The following POLN variants were observed in gnomAD, a reference collection of about 807,000 sequenced individuals.
POLN encodes DNA polymerase nu, also known as DNA polymerase N.
POLN carries 108 observed loss-of-function variants against 113.5 expected under a neutral mutation model. The ratio of observed to expected loss-of-function variants is 0.95; its 90% CI spans 0.81 to 1.12. The LOEUF (loss-of-function observed/expected upper bound fraction) is 1.12, where lower values mean the gene tolerates loss of function less well. Among genes scored for constraint, POLN ranks in the 50% most tolerant of loss-of-function variants. The pLI is 0.00. For missense variants in POLN, 1,097 were observed against 1,077.1 expected, an observed-to-expected ratio of 1.02 and a Z score of -0.26; for synonymous variants, 386 against 391.5, an observed-to-expected ratio of 0.99 and a Z score of 0.17.
At chr4:2,148,858 G>GA (rs1250954298) in intron 16 of POLN, among the ~76,000 whole-genome samples, 1 of 152,184 alleles carries the variant, frequency 6.6e-6, no homozygotes, top group Non-Finnish European at 1.5e-5. Context: ...ATTATGTGAA[G>GA]ATAGTGATGA....
At chr4:2,075,751 A>G (rs917548197) in intron 23 of POLN, among the ~76,000 whole-genome samples, 1 of 152,184 alleles carries the variant, frequency 6.6e-6, no homozygotes, top group Non-Finnish European at 1.5e-5. Context: ...GAGGTCACCC[A>G]CTGTCACCAG....
At chr4:2,123,300 G>A (rs1414775131) in intron 19 of POLN, among the ~76,000 whole-genome samples, 1 of 151,776 alleles carries the variant, frequency 6.6e-6, no homozygotes, top group Non-Finnish European at 1.5e-5. Context: ...GACCAGCCTG[G>A]CCAACATGGC....
chr4:2,240,101 A>C, intron 2 of POLN: 1 of 1,614,070 alleles, frequency 6.2e-7, no homozygotes, highest in Non-Finnish European at 8.5e-7. Context: ...TGCTCGAATT[A>C]CTTGCTTTTA....
At chr4:2,167,618 G>T (rs1268620970) in intron 13 of POLN, among the ~76,000 whole-genome samples, 1 of 152,164 alleles carries the variant, frequency 6.6e-6, no homozygotes, top group Non-Finnish European at 1.5e-5. Flanking sequence ...AGAAATCAAG[G>T]CCAGGCATGG....
intron 9 of POLN, 117 bp from the exon 10 acceptor site, chr4:2,174,868 G>T (rs971465879): frequency 5.7e-6 from 4 of 704,498 alleles, no homozygotes; most frequent in African/African-American, 3.7e-5. Flanking sequence ...TGCTGCCCAG[G>T]TTGGAGTGCA....
Position 2,093,097 on chromosome 4 carries a change from GAAA to G in POLN, c.2065+2751_2065+2753del, listed in dbSNP as rs747202969. Among the ~76,000 whole-genome samples the G allele has an allele frequency of 2.1e-5, 3 of 142,594 alleles. No homozygotes were observed. The East Asian group carries it at 6.0e-4, about 29-fold the overall frequency. 93.5% of individuals were successfully genotyped at this position (142,594 alleles called of 152,430 possible). ...CAAAATGTAGCTCTTTTCCTCTCCA[GAAA>G]AAAAAAAAAAGTGAATACTCCAGAA... is the stretch of plus-strand genomic sequence containing the variant. On this transcript the variant is annotated intron_variant, in intron 20 of 25. Coordinates refer to ENST00000511885, the MANE Select transcript of POLN (RefSeq NM_181808.4). The surrounding 1 kb of genome is among the most constrained non-coding windows in gnomAD (Gnocchi z 4.1).
chr4:2,089,789 C>A, intron 20 of POLN: 1 of 759,932 alleles, frequency 1.3e-6, no homozygotes, highest in South Asian at 1.6e-5. Flanking sequence ...AATGCAGAAT[C>A]ATCTTTGGAA....
chr4:2,216,791 G>T (rs777254413), intron 3 of POLN, among the ~76,000 whole-genome samples: 2 of 152,236 alleles, frequency 1.3e-5, no homozygotes, highest in African/African-American at 2.4e-5. Context: ...TTCCCTCCAA[G>T]GAAGGTACAA....
Position 2,127,070 on chromosome 4 carries a change from A to G in POLN, c.1982+1043T>C, listed in dbSNP as rs1731598984. On this transcript the variant is annotated intron_variant, in intron 19 of 25. Coordinates refer to ENST00000511885, the MANE Select transcript of POLN (RefSeq NM_181808.4). This position sits in a 1 kb window ranked among gnomAD's most constrained non-coding sequence, Gnocchi z 4.7. ...CATCTCCCACCCCCAGGTGCTGGGC[A>G]GCCTTTCTGTGTGACATCGTGAGGG... is the stretch of plus-strand genomic sequence containing the variant. 6.6e-6 allele frequency among the ~76,000 whole-genome samples: 1 copy of G among 150,906 alleles called. No homozygotes were observed. Among genetic ancestry groups the G allele is most frequent in the Non-Finnish European group, 1.5e-5 (1 of 67,784 alleles).
intron 2 of POLN, among the ~76,000 whole-genome samples, chr4:2,237,634 T>C (rs1397317923): frequency 6.6e-6 from 1 of 152,160 alleles, no homozygotes; most frequent in East Asian, 1.9e-4. Flanking sequence ...AATCAATCTC[T>C]GAGACTTATT....
chr4:2,147,632 G>GTTTTTTTTT (rs1047968546), intron 16 of POLN, among the ~76,000 whole-genome samples: 1 of 56,380 alleles, frequency 1.8e-5, no homozygotes, highest in Non-Finnish European at 4.4e-5. Flanking sequence ...CAGACATCCA[G>GTTTTTTTTT]TTTTTCTTTT....
In POLN at chr4:2,098,877, G is replaced by A. The variant is rs553043389; in HGVS notation, c.1983-2944C>T. ...CTGGAATATCTTTTAGTGCCAGAAA[G>A]CAAGGAAGTGATAAATGTGTGTGCA... is the stretch of plus-strand genomic sequence containing the variant. On this transcript the variant is annotated intron_variant, in intron 19 of 25. Transcript: ENST00000511885. Among the ~76,000 whole-genome samples the A allele has an allele frequency of 2.6e-5, 4 of 151,956 alleles. No homozygotes were observed. The East Asian group carries it at 7.8e-4, about 30-fold the overall frequency.
intron 16 of POLN, among the ~76,000 whole-genome samples, chr4:2,133,701 T>C (rs1049982032): frequency 6.6e-6 from 1 of 152,204 alleles, no homozygotes; most frequent in Admixed American, 6.5e-5. Flanking sequence ...GTCTTTTGTC[T>C]TTAAGACTCC....
intron 2 of POLN, chr4:2,240,030 A>C (rs1439851722): frequency 1.2e-6 from 2 of 1,604,630 alleles, no homozygotes; most frequent in East Asian, 2.2e-5. Context: ...CTCATTTCTT[A>C]TGCTTACCTT....
intron 19 of POLN, among the ~76,000 whole-genome samples, chr4:2,096,454 G>A (rs1730792924): frequency 6.6e-6 from 1 of 152,124 alleles, no homozygotes; most frequent in East Asian, 1.9e-4. Flanking sequence ...ACTGGCATGT[G>A]AACCACAGCA....
At chr4:2,166,678 CT>C (rs1732736501) in intron 13 of POLN, among the ~76,000 whole-genome samples, 1 of 152,164 alleles carries the variant, frequency 6.6e-6, no homozygotes, top group Non-Finnish European at 1.5e-5. Context: ...TCTTCTGGAT[CT>C]GGGACACCCT....
intron 3 of POLN, among the ~76,000 whole-genome samples, chr4:2,224,641 C>T (rs777186781): frequency 6.6e-6 from 1 of 152,136 alleles, no homozygotes; most frequent in South Asian, 2.1e-4. Flanking sequence ...GGTTTGTTTA[C>T]GCCAGCATCA....
intron 20 of POLN, among the ~76,000 whole-genome samples, chr4:2,092,613 C>G (rs1367801185): frequency 6.6e-6 from 1 of 152,242 alleles, no homozygotes; most frequent in African/African-American, 2.4e-5. Flanking sequence ...CTCACAAAGT[C>G]CTGCTGCTTC....
At chr4:2,231,898 C>A (rs371093295) in intron 2 of POLN, 1 of 941,534 alleles carries the variant, frequency 1.1e-6, no homozygotes, top group Non-Finnish European at 1.7e-6. Flanking sequence ...AAAGAGGACA[C>A]GTAATAAAGA....
Sources: gnomAD v4.1 joint callset for allele counts (sites outside exome capture counted in the v4.1 genomes callset) on GRCh38, gnomAD v4.1.1 for gene constraint, Gnocchi (gnomAD v3.1) non-coding constraint, MANE v1.5 for transcripts, NCBI Gene and HGNC (gene_info 2026-07-23, HGNC 2026-07-21) for gene names.